CWC27: variants seen among roughly 807,000 people sequenced by gnomAD.
CWC27 encodes the protein CWC27 spliceosome associated cyclophilin, also known as spliceosome-associated protein CWC27 homolog.
CWC27 carries 47 observed loss-of-function variants against 63.6 expected under a neutral mutation model. The ratio of observed to expected loss-of-function variants is 0.74; its 90% CI spans 0.58 to 0.94. The LOEUF (loss-of-function observed/expected upper bound fraction) is 0.94, where lower values mean the gene tolerates loss of function less well. CWC27 is among the 40% of genes least tolerant of loss of function. The probability of loss-of-function intolerance (pLI) is 0.00; values close to 1 mark genes in which losing one functional copy is unlikely to be tolerated. For missense variants in CWC27, 495 were observed against 554.3 expected (o/e 0.89, Z 1.07); for synonymous variants, 175 against 179.8 (o/e 0.97, Z 0.22).
intron 10 of CWC27, among the ~76,000 whole-genome samples, chr5:64,833,849 C>T (rs964933242): frequency 2.6e-5 from 4 of 151,548 alleles, no homozygotes; most frequent in Non-Finnish European, 1.5e-5. Context: ...TTAATTGCTC[C>T]TGTCTTTCTT....
intron 11 of CWC27, among the ~76,000 whole-genome samples, chr5:64,964,292 A>G (rs559778729): frequency 6.6e-6 from 1 of 152,208 alleles, no homozygotes; most frequent in Non-Finnish European, 1.5e-5. Flanking sequence ...CATTAGCAAA[A>G]TGATATGTCT....
intron 11 of CWC27, among the ~76,000 whole-genome samples, chr5:64,944,677 A>C (rs115251418): frequency 7.5e-4 from 114 of 152,250 alleles, no homozygotes; most frequent in African/African-American, 2.5e-3. Flanking sequence ...CAAATTGATC[A>C]GCAAATCCAG....
chr5:64,839,133 T>G (rs1261194282), intron 10 of CWC27, among the ~76,000 whole-genome samples: 1 of 152,238 alleles, frequency 6.6e-6, no homozygotes, highest in Non-Finnish European at 1.5e-5. Context: ...AAATGTTTAT[T>G]GAATGAGTAA....
intron 11 of CWC27, among the ~76,000 whole-genome samples, chr5:64,890,027 A>T (rs954550387): frequency 9.2e-5 from 14 of 152,206 alleles, no homozygotes; most frequent in Non-Finnish European, 1.6e-4. Context: ...GTTTCATATC[A>T]AAACCAGTAC....
chr5:64,796,829 C>G lies in CWC27; in HGVS notation c.670-3419C>G, dbSNP rs192915735. The stretch of plus-strand genomic sequence containing the variant: ...CCTCCCTCCCTCCTTTTCCTTCTTC[C>G]TTCCTTCCTTCTTCCCTCCCTCCCT... On this transcript the variant is annotated intron_variant, in intron 7 of 13. Coordinates refer to ENST00000381070, the MANE Select transcript of CWC27 (RefSeq NM_005869.4). Among the ~76,000 whole-genome samples, 276 of 114,574 alleles carry G rather than the reference C, an allele frequency of 2.4e-3. 9 individuals carry two copies. The East Asian group carries it at 0.078, about 32-fold the overall frequency. 75.2% of individuals were successfully genotyped at this position (114,574 alleles called of 152,430 possible).
intron 13 of CWC27, 46 bp downstream of exon 13, chr5:64,977,284 A>G (rs769625727): frequency 7.6e-7 from 1 of 1,320,952 alleles, no homozygotes; most frequent in South Asian, 1.3e-5. Context: ...AAATAGTCTC[A>G]GAGCAGAGAC....
chr5:64,779,709 G>T (rs1041412322), intron 2 of CWC27, among the ~76,000 whole-genome samples: 1 of 152,150 alleles, frequency 6.6e-6, no homozygotes, highest in African/African-American at 2.4e-5. Flanking sequence ...GTTTGGCTCT[G>T]TGTCCCCACC....
intron 7 of CWC27, among the ~76,000 whole-genome samples, chr5:64,793,320 C>CT (rs1744144251): frequency 6.6e-6 from 1 of 152,054 alleles, no homozygotes; most frequent in Non-Finnish European, 1.5e-5. Context: ...CAGAATTTAA[C>CT]TTTTTTGTCT....
At chr5:64,876,687 T>C (rs932875779) in intron 10 of CWC27, among the ~76,000 whole-genome samples, 1 of 152,066 alleles carries the variant, frequency 6.6e-6, no homozygotes, top group East Asian at 1.9e-4. Context: ...GTGCTTGACT[T>C]CATCACCCTT....
At chr5:64,921,967 T>C (rs1017190913) in intron 11 of CWC27, among the ~76,000 whole-genome samples, 1 of 152,212 alleles carries the variant, frequency 6.6e-6, no homozygotes, top group Non-Finnish European at 1.5e-5. Flanking sequence ...TTTTATTTTA[T>C]GATGTTGAAA....
chr5:64,928,975 T>C (rs1418045809), intron 11 of CWC27, among the ~76,000 whole-genome samples: 1 of 152,094 alleles, frequency 6.6e-6, no homozygotes, highest in Non-Finnish European at 1.5e-5. Context: ...TTTTTTTTTT[T>C]TGTAGTACTA....
chr5:64,956,875 C>A (rs561204795), intron 11 of CWC27, among the ~76,000 whole-genome samples: 36 of 152,186 alleles, frequency 2.4e-4, no homozygotes, highest in African/African-American at 8.2e-4. Flanking sequence ...GATAATAATA[C>A]CCCTTCTGTT....
intron 11 of CWC27, among the ~76,000 whole-genome samples, chr5:64,956,574 A>G (rs778291839): frequency 2.0e-5 from 3 of 152,060 alleles, no homozygotes; most frequent in Non-Finnish European, 2.9e-5. Flanking sequence ...AATTTCCTAA[A>G]TATCAGAACC....
intron 11 of CWC27, among the ~76,000 whole-genome samples, chr5:64,887,811 T>A (rs749926656): frequency 1.3e-5 from 2 of 152,172 alleles, no homozygotes; most frequent in Non-Finnish European, 2.9e-5. Flanking sequence ...TCTACCATTA[T>A]AACAGCAATA....
chr5:64,952,919 C>G (rs1338134112), intron 11 of CWC27, among the ~76,000 whole-genome samples: 1 of 152,090 alleles, frequency 6.6e-6, no homozygotes, highest in Non-Finnish European at 1.5e-5. Flanking sequence ...TGACTTTAGT[C>G]TGCTATAGAA....
chr5:64,926,533 G>A (rs1278903372), intron 11 of CWC27, among the ~76,000 whole-genome samples: 3 of 151,782 alleles, frequency 2.0e-5, no homozygotes, highest in Non-Finnish European at 2.9e-5. Context: ...TTCAAGGCAC[G>A]AGAAAGTATC....
chr5:64,824,735 T>C lies in CWC27; in HGVS notation c.938+20349T>C, dbSNP rs542652656. On this transcript the variant is annotated intron_variant, in intron 10 of 13. Transcript: ENST00000381070. Reference sequence around the variant, plus strand: ...AGTGTTCCTTTCTTTTCTCTTTTTTTTTTTTTTTTTTTTTTGAGATGGAGT... The same window carrying C: ...AGTGTTCCTTTCTTTTCTCTTTTTTCTTTTTTTTTTTTTTTGAGATGGAGT... 7.7e-5 allele frequency among the ~76,000 whole-genome samples: 11 copies of C among 142,718 alleles called. No homozygotes were observed. In the South Asian group the frequency reaches 2.6e-3, roughly 34 times the overall value. 93.6% of individuals were successfully genotyped at this position (142,718 alleles called of 152,430 possible). A position where few individuals can be genotyped will look rare whatever the true frequency, so the allele number is the denominator to read the frequency against.
chr5:64,865,761 A>G (rs919307472), intron 10 of CWC27, among the ~76,000 whole-genome samples: 5 of 152,088 alleles, frequency 3.3e-5, no homozygotes, highest in African/African-American at 7.2e-5. Flanking sequence ...ACAGCCAACA[A>G]ATGAGCAAAG....
At chr5:64,922,218 A>G (rs1748011009) in intron 11 of CWC27, among the ~76,000 whole-genome samples, 2 of 152,216 alleles carry the variant, frequency 1.3e-5, no homozygotes, top group South Asian at 4.1e-4. Flanking sequence ...TATATCCTCA[A>G]ATATGTTTTC....
Sources: allele counts gnomAD v4.1 joint callset (sites outside exome capture counted in the v4.1 genomes callset), GRCh38; gene constraint gnomAD v4.1.1; transcripts MANE v1.5; gene names NCBI Gene and HGNC (gene_info 2026-07-23, HGNC 2026-07-21).